FASTKD2: variants seen among roughly 807,000 people sequenced by gnomAD.
FASTKD2 encodes FAST kinase domains 2, also known as FAST kinase domain-containing protein 2, mitochondrial.
Under a neutral mutation model 63.6 loss-of-function variants are expected in FASTKD2, and 51 were observed. That is an observed-to-expected ratio of 0.80 (90% confidence interval 0.64 to 1.01). FASTKD2 has a LOEUF of 1.01. FASTKD2 is among the 50% of genes least tolerant of loss of function. The pLI is 0.00. For missense variants in FASTKD2, 786 were observed against 831.1 expected (o/e 0.95, Z 0.67); for synonymous variants, 284 against 293.4 (o/e 0.97, Z 0.33).
intron 7 of FASTKD2, among the ~76,000 whole-genome samples, chr2:206,784,221 C>A (rs1427356309): frequency 6.6e-6 from 1 of 152,204 alleles, no homozygotes; most frequent in Non-Finnish European, 1.5e-5. Context: ...TTTATGAGAA[C>A]AACTCTGTTG....
intron 1 of FASTKD2, among the ~76,000 whole-genome samples, chr2:206,766,115 C>A (rs1244826385): frequency 1.3e-5 from 2 of 151,836 alleles, no homozygotes; most frequent in Non-Finnish European, 2.9e-5. Flanking sequence ...CAAAAATTAG[C>A]CGGGCGTGGT....
chr2:206,784,335 G>A (rs1690077427), intron 7 of FASTKD2, among the ~76,000 whole-genome samples: 1 of 152,232 alleles, frequency 6.6e-6, no homozygotes, highest in South Asian at 2.1e-4. Flanking sequence ...GGTTTTGGAA[G>A]CAGAATAACT....
At position 206,793,220 on chromosome 2, in the gene FASTKD2, C is replaced by CAAAAAAAAAAAAAAAAAAAAAAA. The variant is rs58656956; in HGVS notation, c.*1427_*1449dup. On this transcript the variant is annotated 3_prime_UTR_variant, in exon 12 of 12. Transcript: ENST00000402774. ...CTGACCACAGAGCGAGACTCTGTCT[C>CAAAAAAAAAAAAAAAAAAAAAAA]AAAAAAAAAAAAAAAAAAAAAAAAA... Among the ~76,000 whole-genome samples, 2 of 65,820 alleles carry CAAAAAAAAAAAAAAAAAAAAAAA rather than the reference C, an allele frequency of 3.0e-5. No individual in the cohort carries two copies. Among genetic ancestry groups the CAAAAAAAAAAAAAAAAAAAAAAA allele is most frequent in the African/African-American group, 6.2e-5 (1 of 16,218 alleles). 43.2% of individuals were successfully genotyped at this position (65,820 alleles called of 152,430 possible).
chr2:206,787,199 T>TA (rs769139132), intron 8 of FASTKD2, among the ~76,000 whole-genome samples: 24 of 152,344 alleles, frequency 1.6e-4, no homozygotes, highest in Non-Finnish European at 3.2e-4. Context: ...GGCTGTTCTT[T>TA]ATGCTTTGAT....
Position 206,787,916 on chromosome 2 carries a change from ACT to A in FASTKD2, c.1595-16_1595-15del. 1 of 1,361,550 alleles carries A rather than the reference ACT, an allele frequency of 7.3e-7. No individual in the cohort carries two copies. The allele number at this position is 1,361,550 out of a possible 1,614,324, so 84.3% of individuals were successfully genotyped here. ...TGCATTTATTTCTTCTTAATGATAT[ACT>A]CTCTTTTTCATCTTTTAGATGACAT... On this transcript the variant is annotated intron_variant, in intron 8 of 11. Coordinates refer to ENST00000402774, the MANE Select transcript of FASTKD2 (RefSeq NM_001136193.2).
chr2:206,794,699 C>T lies in FASTKD2; in HGVS notation c.*2897C>T, dbSNP rs1248911012. Among the ~76,000 whole-genome samples, 1 of 152,244 alleles carries T rather than the reference C, an allele frequency of 6.6e-6. No individual in the cohort carries two copies. The highest frequency in any genetic ancestry group is 1.5e-5 in the Non-Finnish European group (1 of 68,048). ...ATATATACATAGCCTAACAACTCTTCTTGTCATTGACAAAATGTGATGGTA... is the reference window on the plus strand; with the variant it reads ...ATATATACATAGCCTAACAACTCTTTTTGTCATTGACAAAATGTGATGGTA... On this transcript the variant is annotated 3_prime_UTR_variant, in exon 12 of 12. Coordinates refer to ENST00000402774, the MANE Select transcript of FASTKD2 (RefSeq NM_001136193.2).
chr2:206,774,121 G>A, intron 6 of FASTKD2, 104 bp from the exon 7 acceptor site: 1 of 730,192 alleles, frequency 1.4e-6, no homozygotes, highest in African/African-American at 1.8e-5. Context: ...ATATTCTGTT[G>A]ATCAGGACAG....
chr2:206,773,408 AAAT>A (rs753239100), intron 6 of FASTKD2, among the ~76,000 whole-genome samples: 1 of 151,994 alleles, frequency 6.6e-6, no homozygotes, highest in Non-Finnish European at 1.5e-5. Context: ...GTTAGATTTC[AAAT>A]AATAAAGATG....
At chr2:206,768,405 T>C (rs1447352497) in intron 2 of FASTKD2, among the ~76,000 whole-genome samples, 1 of 152,132 alleles carries the variant, frequency 6.6e-6, no homozygotes, top group Admixed American at 6.6e-5. Flanking sequence ...TCAGTGATAA[T>C]GAAGTAATTT....
At position 206,788,890 on chromosome 2, in the gene FASTKD2, A is replaced by G. The variant is rs754915967; in HGVS notation, c.1885A>G (p.Thr629Ala). 1.0e-5 allele frequency: 16 copies of G among 1,542,592 alleles called. No homozygotes were observed. Among genetic ancestry groups the G allele is most frequent in the Non-Finnish European group, 1.4e-5 (16 of 1,115,404 alleles). The change falls in exon 10 of 12, where the codon ACA (threonine) becomes GCA (alanine). Residue 629 changes from threonine to alanine, a missense_variant. Coordinates refer to ENST00000402774, the MANE Select transcript of FASTKD2 (RefSeq NM_001136193.2). Reference protein sequence around the residue: ...PLSDVDTTSATDIQRVAVLCV... With the variant: ...PLSDVDTTSAADIQRVAVLCV... ...TTCTGATGTGGATACAACTTCTGCTACAGATATTCAAAGGTTGCTTACATA... is the reference window on the plus strand; with the variant it reads ...TTCTGATGTGGATACAACTTCTGCTGCAGATATTCAAAGGTTGCTTACATA...
chr2:206,766,928 C>A lies in FASTKD2; in HGVS notation c.235C>A (p.Gln79Lys), dbSNP rs747423460. The change falls in exon 2 of 12, where the codon CAG (glutamine) becomes AAG (lysine). Residue 79 changes from glutamine to lysine, a missense_variant. Physicochemically the swap from Gln to Lys is moderately conservative, Grantham distance 53. Transcript: ENST00000402774. ...QSTDIIRYLF[Q>K]DAFIFKSDVG... Reference sequence around the variant, plus strand: ...AACTGATATCATTAGATATCTCTTTCAGGATGCATTCATTTTTAAATCAGA... The same window carrying A: ...AACTGATATCATTAGATATCTCTTTAAGGATGCATTCATTTTTAAATCAGA... The A allele has an allele frequency of 6.2e-7, 1 of 1,602,576 alleles. No homozygotes were observed. Among genetic ancestry groups the A allele is most frequent in the South Asian group, 1.1e-5 (1 of 89,716 alleles).
chr2:206,768,806 A>T (rs1053025171), intron 2 of FASTKD2, among the ~76,000 whole-genome samples: 1 of 152,228 alleles, frequency 6.6e-6, no homozygotes, highest in Non-Finnish European at 1.5e-5. Context: ...GCTATGGGAA[A>T]GTTTTTAACT....
Position 206,791,949 on chromosome 2 carries a change from GA to G in FASTKD2, c.*150del, listed in dbSNP as rs1211391633. On this transcript the variant is annotated 3_prime_UTR_variant, in exon 12 of 12. Coordinates refer to ENST00000402774, the MANE Select transcript of FASTKD2 (RefSeq NM_001136193.2). ...ATTAAAATTAATTTTAGGAGTGGAA[GA>G]AATGTTGTTACTGCCATTTAAAAAT... 5.6e-6 allele frequency: 4 copies of G among 717,194 alleles called. No homozygotes were observed. The African/African-American group carries it at 7.2e-5, about 13-fold the overall frequency. 44.4% of individuals were successfully genotyped at this position (717,194 alleles called of 1,614,324 possible). A position where few individuals can be genotyped will look rare whatever the true frequency, so the allele number is the denominator to read the frequency against.
In FASTKD2 at chr2:206,767,171, TCTGAGGAATGTAATTCC is replaced by T. The variant is rs1689531633; in HGVS notation, c.484_500del (p.Glu162Ter). On this transcript the variant is annotated frameshift_variant, in exon 2 of 12. Coordinates refer to ENST00000402774, the MANE Select transcript of FASTKD2 (RefSeq NM_001136193.2). LOFTEE classifies it high-confidence loss of function. ...AAACCGTATCAGCAGTAGAAAACTGTCTGAGGAATGTAATTCCCTGAGTGATGTGTTAGATGCATTTT... is the reference window on the plus strand; with the variant it reads ...AAACCGTATCAGCAGTAGAAAACTGTCTGAGTGATGTGTTAGATGCATTTT... The T allele has an allele frequency of 6.2e-7, 1 of 1,614,096 alleles. No homozygotes were observed. The highest frequency in any genetic ancestry group is 1.3e-5 in the African/African-American group (1 of 74,950).
chr2:206,772,409 T>C (rs1393559873), intron 6 of FASTKD2, 89 bp downstream of exon 6: 3 of 1,325,166 alleles, frequency 2.3e-6, no homozygotes, highest in Non-Finnish European at 2.1e-6. Context: ...TTCACCTTTA[T>C]AGTAGTTAAG....
At chr2:206,789,548 A>T (rs530273042) in intron 10 of FASTKD2, 1 of 152,448 alleles carries the variant, frequency 6.6e-6, no homozygotes, top group Non-Finnish European at 1.5e-5. Context: ...TGCTACATGG[A>T]TCCTGACCCC....
At chr2:206,771,653 CAAAAAAAAAAAAAAAA>C (rs71034472) in intron 4 of FASTKD2, among the ~76,000 whole-genome samples, 2 of 44,552 alleles carry the variant, frequency 4.5e-5, no homozygotes, top group African/African-American at 1.7e-4. Flanking sequence ...CCTGTCTCTG[CAAAAAAAAAAAAAAAA>C]AAAAAAAAAA....
intron 7 of FASTKD2, among the ~76,000 whole-genome samples, chr2:206,778,073 T>C (rs1205467542): frequency 6.6e-6 from 1 of 152,084 alleles, no homozygotes; most frequent in Non-Finnish European, 1.5e-5. Flanking sequence ...TAAAGGTTTG[T>C]CAATTTTGTT....
chr2:206,788,239 G>A, intron 9 of FASTKD2, 84 bp downstream of exon 9: 2 of 939,120 alleles, frequency 2.1e-6, no homozygotes, highest in Non-Finnish European at 3.3e-6. Context: ...ATTTGTGGCA[G>A]CAGTTTAGTG....
Sources: gnomAD v4.1 joint callset for allele counts (sites outside exome capture counted in the v4.1 genomes callset) on GRCh38, gnomAD v4.1.1 for gene constraint, MANE v1.5 for transcripts, NCBI Gene and HGNC (gene_info 2026-07-23, HGNC 2026-07-21) for gene names.